The following NALF1 variants were observed in gnomAD, a reference collection of about 807,000 sequenced individuals.
The protein encoded by NALF1 is NALCN channel auxiliary factor 1.
In NALF1, 3 loss-of-function variants were observed where a neutral mutation model predicts 48.4. The ratio of observed to expected loss-of-function variants is 0.06; its 90% confidence interval spans 0.03 to 0.16. NALF1 has a LOEUF of 0.16. Ranked by LOEUF, NALF1 falls within the 10% of genes least tolerant of loss-of-function variation. The probability of loss-of-function intolerance (pLI) is 1.00; values close to 1 mark genes in which losing one functional copy is unlikely to be tolerated. For synonymous variants in NALF1, 262 were observed against 245.7 expected (o/e 1.07, Z -0.62); for missense variants, 526 against 571.5 (o/e 0.92, Z 0.81).
At chr13:107,685,992 T>C (rs1204010601) in intron 1 of NALF1, among the ~76,000 whole-genome samples, 3 of 152,160 alleles carry the variant, frequency 2.0e-5, no homozygotes, top group Admixed American at 6.5e-5. Flanking sequence ...TCATTTACGA[T>C]GGTGCCATGA....
intron 1 of NALF1, among the ~76,000 whole-genome samples, chr13:107,823,275 C>T (rs760890087): frequency 2.6e-5 from 4 of 152,180 alleles, no homozygotes; most frequent in Non-Finnish European, 1.5e-5. Context: ...CTCCATCTTA[C>T]TGTGGTCACT....
At chr13:107,532,143 T>C (rs1183306660) in intron 1 of NALF1, among the ~76,000 whole-genome samples, 1 of 151,936 alleles carries the variant, frequency 6.6e-6, no homozygotes, top group Non-Finnish European at 1.5e-5. Context: ...CCAAGTTTCT[T>C]GCAGACAACC....
At chr13:107,251,207 A>C (rs1385066164) in intron 1 of NALF1, among the ~76,000 whole-genome samples, 1 of 152,216 alleles carries the variant, frequency 6.6e-6, no homozygotes, top group East Asian at 1.9e-4. Context: ...AAAATAAAAC[A>C]GGCAAGATTT....
At chr13:107,823,039 G>A (rs1879404041) in intron 1 of NALF1, among the ~76,000 whole-genome samples, 3 of 152,156 alleles carry the variant, frequency 2.0e-5, no homozygotes, top group African/African-American at 7.2e-5. Flanking sequence ...AATGTGCTTG[G>A]ACACGGCTGA....
intron 1 of NALF1, among the ~76,000 whole-genome samples, chr13:107,863,905 C>A (rs1880643027): frequency 6.6e-6 from 1 of 152,084 alleles, no homozygotes; most frequent in African/African-American, 2.4e-5. Flanking sequence ...CTTTTAAATA[C>A]TGAGTTATAC....
chr13:107,836,207 T>C (rs1277574790), intron 1 of NALF1, among the ~76,000 whole-genome samples: 1 of 152,112 alleles, frequency 6.6e-6, no homozygotes, highest in Non-Finnish European at 1.5e-5. Flanking sequence ...CCCAGGCTGA[T>C]CTCAAACTCC....
At chr13:107,462,717 G>A (rs75835591) in intron 1 of NALF1, among the ~76,000 whole-genome samples, 5,399 of 152,268 alleles carry the variant, frequency 0.035, 324 homozygotes, top group African/African-American at 0.12. Flanking sequence ...AGACACGAAG[G>A]CTTGGGTGAG....
intron 1 of NALF1, among the ~76,000 whole-genome samples, chr13:107,271,805 TATATATATA>T (rs1566470752): frequency 0.041 from 3,840 of 93,680 alleles, 183 homozygotes; most frequent in African/African-American, 0.073. Context: ...TATATATATA[TATATATATA>T]TATTTATATA....
chr13:107,299,173 C>A (rs552291996), intron 1 of NALF1, among the ~76,000 whole-genome samples: 1 of 152,228 alleles, frequency 6.6e-6, no homozygotes, highest in Non-Finnish European at 1.5e-5. Flanking sequence ...ACTCCTACAG[C>A]AGTGAATGTT....
chr13:107,414,096 T>C (rs968475236), intron 1 of NALF1, among the ~76,000 whole-genome samples: 1 of 152,182 alleles, frequency 6.6e-6, no homozygotes, highest in Non-Finnish European at 1.5e-5. Flanking sequence ...ACCAGGCCAA[T>C]ATTTTATTTT....
rs192383542 is a variant in NALF1 at position 107,832,202 on chromosome 13, A to C, written c.915+33480T>G. On this transcript the variant is annotated intron_variant, in intron 1 of 2. Coordinates refer to ENST00000375915, the MANE Select transcript of NALF1 (RefSeq NM_001080396.3). Reference sequence around the variant, plus strand: ...ATAATGATGGATATTCAATCCTATTATTCTACCTTCAAGCTGATAATTAAC... The same window carrying C: ...ATAATGATGGATATTCAATCCTATTCTTCTACCTTCAAGCTGATAATTAAC... Among the ~76,000 whole-genome samples the C allele has an allele frequency of 3.4e-3, 518 of 152,056 alleles. 1 individual carries two copies. Among genetic ancestry groups the C allele is most frequent in the African/African-American group, 0.012 (491 of 41,542 alleles).
Position 107,597,352 on chromosome 13 carries a change from A to G in NALF1, c.915+268330T>C, listed in dbSNP as rs138042483. Among the ~76,000 whole-genome samples the G allele has an allele frequency of 1.6e-4, 24 of 152,246 alleles. No homozygotes were observed. The East Asian group carries it at 4.4e-3, about 28-fold the overall frequency. ...GTACAGGAGGTAAATTAAGAAACAT[A>G]ATTCAAATTATGCTTTCTGTACAAG... On this transcript the variant is annotated intron_variant, in intron 1 of 2. Transcript: ENST00000375915.
At chr13:107,425,993 T>A (rs564276614) in intron 1 of NALF1, among the ~76,000 whole-genome samples, 2 of 152,316 alleles carry the variant, frequency 1.3e-5, no homozygotes, top group Admixed American at 6.5e-5. Context: ...TGCACTATAG[T>A]ATTGGATACC....
intron 1 of NALF1, among the ~76,000 whole-genome samples, chr13:107,777,534 A>G (rs1280444271): frequency 6.6e-6 from 1 of 152,076 alleles, no homozygotes; most frequent in Non-Finnish European, 1.5e-5. Flanking sequence ...TGCTTGTTTA[A>G]AAGCGTGTGG....
chr13:107,485,359 T>C (rs1227467795), intron 1 of NALF1, among the ~76,000 whole-genome samples: 3 of 152,178 alleles, frequency 2.0e-5, no homozygotes, highest in Non-Finnish European at 4.4e-5. Context: ...ATCAGTTCCT[T>C]TCCTGTTTCC....
chr13:107,304,506 A>G (rs1225302641), intron 1 of NALF1, among the ~76,000 whole-genome samples: 1 of 152,240 alleles, frequency 6.6e-6, no homozygotes, highest in Non-Finnish European at 1.5e-5. Flanking sequence ...AGAAAATATG[A>G]ACATGCTCAT....
At chr13:107,511,627 C>A (rs1486304458) in intron 1 of NALF1, among the ~76,000 whole-genome samples, 1 of 152,022 alleles carries the variant, frequency 6.6e-6, no homozygotes, top group Admixed American at 6.6e-5. Flanking sequence ...TATTTCTATT[C>A]ACACACTACA....
chr13:107,680,625 TTTGTGA>T (rs58282271), intron 1 of NALF1, among the ~76,000 whole-genome samples: 73,268 of 147,038 alleles, frequency 0.5, 18,971 homozygotes, highest in Middle Eastern at 0.66. Flanking sequence ...AGGGTGTATG[TTTGTGA>T]GAGTGTGAAA....
intron 1 of NALF1, among the ~76,000 whole-genome samples, chr13:107,596,377 T>G (rs186113781): frequency 1.3e-5 from 2 of 152,258 alleles, no homozygotes; most frequent in East Asian, 3.9e-4. Context: ...CACACATACG[T>G]GTATTGCAGC....
Sources: allele counts gnomAD v4.1 joint callset (sites outside exome capture counted in the v4.1 genomes callset), GRCh38; gene constraint gnomAD v4.1.1; transcripts MANE v1.5; gene names NCBI Gene and HGNC (gene_info 2026-07-23, HGNC 2026-07-21).